Variants in HSD17B12 observed in about 807,000 individuals in gnomAD.
The protein encoded by HSD17B12 is very-long-chain 3-oxoacyl-CoA reductase.
Under a neutral mutation model 39.3 loss-of-function variants are expected in HSD17B12, and 32 were observed. The ratio of observed to expected loss-of-function variants is 0.81; its 90% CI spans 0.61 to 1.09. The LOEUF (loss-of-function observed/expected upper bound fraction) is 1.09. Among genes scored for constraint, HSD17B12 ranks in the 50% least tolerant of loss-of-function variants. HSD17B12 has a pLI of 0.00. For synonymous variants in HSD17B12, 150 were observed against 146.7 expected, an observed-to-expected ratio of 1.02 and a Z score of -0.16; for missense variants, 342 against 382.9, an observed-to-expected ratio of 0.89 and a Z score of 0.89.
At chr11:43,712,807 T>C (rs568965472) in intron 1 of HSD17B12, among the ~76,000 whole-genome samples, 5 of 152,338 alleles carry the variant, frequency 3.3e-5, no homozygotes, top group East Asian at 1.9e-4. Context: ...GTCTGTGTTA[T>C]AGTGAGAAAA....
At chr11:43,816,111 T>C (rs1243343357) in intron 5 of HSD17B12, among the ~76,000 whole-genome samples, 2 of 152,204 alleles carry the variant, frequency 1.3e-5, no homozygotes, top group Admixed American at 6.5e-5. Context: ...TTCCAGATTT[T>C]ACTTGCACAT....
chr11:43,691,520 C>T (rs957190129), intron 1 of HSD17B12, among the ~76,000 whole-genome samples: 3 of 152,170 alleles, frequency 2.0e-5, no homozygotes, highest in Non-Finnish European at 2.9e-5. Context: ...TCTACCACTA[C>T]AGTCTCTCTC....
the HSD17B12 span, chr11:43,559,660 A>T: frequency 6.4e-6 from 1 of 156,076 alleles, no homozygotes. Flanking sequence ...CATCCAGTTT[A>T]GGGGTGGACC....
At chr11:43,746,383 C>CT (rs998309275) in intron 1 of HSD17B12, among the ~76,000 whole-genome samples, 22 of 151,712 alleles carry the variant, frequency 1.5e-4, no homozygotes, top group African/African-American at 3.6e-4. Flanking sequence ...ACTTTTTAAG[C>CT]TTTTTTTTGT....
Position 43,733,498 on chromosome 11 carries a change from A to G in HSD17B12, c.161-17413A>G, listed in dbSNP as rs191562701. On this transcript the variant is annotated intron_variant, in intron 1 of 10. Coordinates refer to ENST00000278353, the MANE Select transcript of HSD17B12 (RefSeq NM_016142.3). Reference sequence around the variant, plus strand: ...CTTGATACATTTAGATTTAAATTTTAAAAGGCTGTTCCACCCATAGGAGCA... The same window carrying G: ...CTTGATACATTTAGATTTAAATTTTGAAAGGCTGTTCCACCCATAGGAGCA... Among the ~76,000 whole-genome samples, 302 of 152,284 alleles carry G rather than the reference A, an allele frequency of 2.0e-3. 1 individual carries two copies. Among genetic ancestry groups the G allele is most frequent in the Non-Finnish European group, 2.0e-3 (136 of 68,014 alleles).
At chr11:43,646,671 A>G in the HSD17B12 span, among the ~76,000 whole-genome samples, 1 of 152,156 alleles carries the variant, frequency 6.6e-6, no homozygotes, top group African/African-American at 2.4e-5. Flanking sequence ...TTTAGAGGTA[A>G]ACTCATCTCT....
intron 3 of HSD17B12, among the ~76,000 whole-genome samples, chr11:43,760,915 T>C (rs1281089996): frequency 6.6e-6 from 1 of 152,218 alleles, no homozygotes; most frequent in Non-Finnish European, 1.5e-5. Flanking sequence ...GTAGAGTTTA[T>C]ATGTTACAGG....
chr11:43,678,939 A>T (rs539094019), upstream of HSD17B12, among the ~76,000 whole-genome samples: 1 of 152,158 alleles, frequency 6.6e-6, no homozygotes, highest in Non-Finnish European at 1.5e-5. Flanking sequence ...GTTCCATATG[A>T]ACTTTAAAGT....
At chr11:43,723,329 C>G (rs1394420058) in intron 1 of HSD17B12, among the ~76,000 whole-genome samples, 1 of 152,120 alleles carries the variant, frequency 6.6e-6, no homozygotes, top group Non-Finnish European at 1.5e-5. Context: ...AATTTGGATG[C>G]AAAATGAGAT....
chr11:43,603,151 A>C, the HSD17B12 span, among the ~76,000 whole-genome samples: 1 of 152,160 alleles, frequency 6.6e-6, no homozygotes, highest in South Asian at 2.1e-4. Flanking sequence ...GACTCCATTT[A>C]ATATTTTCTC....
At chr11:43,780,845 A>G (rs915323497) in intron 3 of HSD17B12, among the ~76,000 whole-genome samples, 2 of 152,108 alleles carry the variant, frequency 1.3e-5, no homozygotes, top group Non-Finnish European at 2.9e-5. Context: ...CCTTAACTAG[A>G]ATATATGTGG....
Position 43,831,158 on chromosome 11 carries a change from A to G in HSD17B12, c.536+148A>G. On this transcript the variant is annotated intron_variant, in intron 7 of 10. Transcript: ENST00000278353. This position sits in a 1 kb window ranked among gnomAD's most constrained non-coding sequence, Gnocchi z 4.1. ...CAGAGTGATGTACCAGGCGAGTCAC[A>G]GTAGAGCATGAGTCATCGGTGGTGG... 1.6e-6 allele frequency: 1 copy of G among 621,024 alleles called. No homozygotes were observed. Among genetic ancestry groups the G allele is most frequent in the African/African-American group, 1.9e-5 (1 of 53,120 alleles). 38.5% of individuals were successfully genotyped at this position (621,024 alleles called of 1,614,324 possible). A position where few individuals can be genotyped will look rare whatever the true frequency, so the allele number is the denominator to read the frequency against.
chr11:43,662,220 A>G, the HSD17B12 span, among the ~76,000 whole-genome samples: 1 of 139,804 alleles, frequency 7.2e-6, no homozygotes, highest in South Asian at 2.3e-4. Flanking sequence ...TTTTTTTGAG[A>G]CGGAGTTTCA....
intron 1 of HSD17B12, among the ~76,000 whole-genome samples, chr11:43,728,814 T>C (rs1240848354): frequency 6.6e-6 from 1 of 152,110 alleles, no homozygotes; most frequent in Admixed American, 6.5e-5. Flanking sequence ...CATAGACAGG[T>C]TTTCACTGCC....
intron 1 of HSD17B12, among the ~76,000 whole-genome samples, chr11:43,721,712 C>T (rs778533265): frequency 3.3e-5 from 5 of 151,938 alleles, no homozygotes; most frequent in East Asian, 1.9e-4. Context: ...AAGGCAAAGC[C>T]GAGAGTATAA....
chr11:43,599,098 C>A, the HSD17B12 span, among the ~76,000 whole-genome samples: 38 of 152,184 alleles, frequency 2.5e-4, no homozygotes, highest in Non-Finnish European at 4.1e-4. Context: ...TTATTGCTAT[C>A]TGCTCAACGA....
chr11:43,819,623 C>T (rs1188769539), intron 6 of HSD17B12, among the ~76,000 whole-genome samples: 1 of 152,214 alleles, frequency 6.6e-6, no homozygotes, highest in Non-Finnish European at 1.5e-5. Context: ...CCCACCTCTT[C>T]ATCCTTCCTC....
At chr11:43,616,775 C>T in the HSD17B12 span, among the ~76,000 whole-genome samples, 2 of 138,502 alleles carry the variant, frequency 1.4e-5, no homozygotes, top group Non-Finnish European at 3.0e-5. Flanking sequence ...TTGTCTCCCA[C>T]ACCACTCCTC....
At chr11:43,685,014 C>T (rs1401991772) in intron 1 of HSD17B12, among the ~76,000 whole-genome samples, 1 of 152,154 alleles carries the variant, frequency 6.6e-6, no homozygotes, top group East Asian at 1.9e-4. Context: ...CAAGTTTCAT[C>T]TATGAAATCT....
Sources: allele counts gnomAD v4.1 joint callset (sites outside exome capture counted in the v4.1 genomes callset), GRCh38; gene constraint gnomAD v4.1.1; non-coding constraint Gnocchi (gnomAD v3.1); transcripts MANE v1.5; gene names NCBI Gene and HGNC (gene_info 2026-07-23, HGNC 2026-07-21).